The following UVSSA variants were observed in gnomAD, a reference collection of about 807,000 sequenced individuals.
UVSSA encodes the protein UV-stimulated scaffold protein A.
UVSSA carries 72 observed loss-of-function variants against 73.9 expected under a neutral mutation model. The observed-to-expected ratio is 0.97, with a 90% CI of 0.81 to 1.19. The LOEUF is 1.19. UVSSA is among the 50% of genes most tolerant of loss of function. The pLI is 0.00. For synonymous variants in UVSSA, 454 were observed against 391.3 expected, an observed-to-expected ratio of 1.16 and a Z score of -1.89; for missense variants, 1,150 against 965.0, an observed-to-expected ratio of 1.19 and a Z score of -2.54.
intron 2 of UVSSA, 48 bp downstream of exon 2, chr4:1,348,237 A>C (rs769276364): frequency 6.9e-7 from 1 of 1,451,128 alleles, no homozygotes; most frequent in Non-Finnish European, 9.7e-7. Context: ...CACTGAGCCC[A>C]GGACACACAC....
At chr4:1,361,743 C>T (rs966192262) in intron 7 of UVSSA, among the ~76,000 whole-genome samples, 1 of 152,100 alleles carries the variant, frequency 6.6e-6, no homozygotes, top group Non-Finnish European at 1.5e-5. Flanking sequence ...CAGCTGAGCA[C>T]GTTTAATTTT....
chr4:1,382,947 G>A (rs7681872), intron 12 of UVSSA, among the ~76,000 whole-genome samples: 103,765 of 152,086 alleles, frequency 0.68, 35,602 homozygotes, highest in Admixed American at 0.75. Flanking sequence ...TCACAGTCCC[G>A]TCAGGGGTGG....
upstream of UVSSA, among the ~76,000 whole-genome samples, chr4:1,343,021 A>G (rs1244093973): frequency 6.6e-6 from 1 of 152,038 alleles, no homozygotes; most frequent in Non-Finnish European, 1.5e-5. Flanking sequence ...TCTGCTGAAC[A>G]CTGTAAAAAG....
At position 1,354,079 on chromosome 4, in the gene UVSSA, A is replaced by G. The variant is rs141633331; in HGVS notation, c.935-656A>G. Among the ~76,000 whole-genome samples, 345 of 152,368 alleles carry G rather than the reference A, an allele frequency of 2.3e-3. 1 individual carries two copies. Among genetic ancestry groups the G allele is most frequent in the African/African-American group, 7.6e-3 (315 of 41,590 alleles). ...AACCTTCTTCTTTGGAAGCAGGCACAGCAGGTGTCCCTTCACCAGGGCCAG... is the reference window on the plus strand; with the variant it reads ...AACCTTCTTCTTTGGAAGCAGGCACGGCAGGTGTCCCTTCACCAGGGCCAG... On this transcript the variant is annotated intron_variant, in intron 5 of 13. Coordinates refer to ENST00000389851, the MANE Select transcript of UVSSA (RefSeq NM_020894.4).
intron 13 of UVSSA, 52 bp from the exon 14 acceptor site, chr4:1,385,816 C>T: frequency 6.3e-7 from 1 of 1,596,354 alleles, no homozygotes. Flanking sequence ...ACTGGGAGCC[C>T]AGGCCCCTGG....
intron 3 of UVSSA, among the ~76,000 whole-genome samples, chr4:1,350,560 C>A (rs1714550518): frequency 6.6e-6 from 1 of 152,244 alleles, no homozygotes; most frequent in South Asian, 2.1e-4. Flanking sequence ...AGTCTCGTCA[C>A]CTCTTTTAAG....
Position 1,366,300 on chromosome 4 carries a change from A to G in UVSSA, c.1177-20A>G. The G allele has an allele frequency of 6.3e-7, 1 of 1,588,890 alleles. No homozygotes were observed. The highest frequency in any genetic ancestry group is 8.6e-7 in the Non-Finnish European group (1 of 1,162,288). On this transcript the variant is annotated intron_variant, in intron 7 of 13. Transcript: ENST00000389851. ...ACACAGGGTCTGGGGGTTGATTTGT[A>G]TTGGGGTGTTTTTCCACAGACAGAA... is the stretch of plus-strand genomic sequence containing the variant.
At chr4:1,343,162 G>A (rs1484275123), upstream of UVSSA, among the ~76,000 whole-genome samples, 1 of 152,104 alleles carries the variant, frequency 6.6e-6, no homozygotes, top group African/African-American at 2.4e-5. Context: ...ATTTCTTCAC[G>A]GTTCTAGAGG....
intron 5 of UVSSA, chr4:1,354,387 T>G (rs537052345): frequency 6.4e-5 from 20 of 311,634 alleles, no homozygotes; most frequent in African/African-American, 4.1e-4. Flanking sequence ...TCCTGTGGCG[T>G]GGGCTGTGGA....
chr4:1,379,998 C>G (rs781708871), intron 10 of UVSSA, 49 bp from the exon 11 acceptor site: 4 of 1,545,286 alleles, frequency 2.6e-6, no homozygotes, highest in Non-Finnish European at 3.5e-6. Context: ...TGGCCACGCT[C>G]TTCTGGGGTC....
intron 8 of UVSSA, among the ~76,000 whole-genome samples, chr4:1,367,574 G>A (rs1717498532): frequency 6.6e-6 from 1 of 152,058 alleles, no homozygotes. Flanking sequence ...GCCGCCCAGG[G>A]AGGGCCCAGG....
chr4:1,348,974 CG>C (rs1714182204), intron 2 of UVSSA, among the ~76,000 whole-genome samples: 1 of 149,648 alleles, frequency 6.7e-6, no homozygotes, highest in Non-Finnish European at 1.5e-5. Flanking sequence ...TTGTGCCAGG[CG>C]GTGTGTGTTT....
chr4:1,377,869 C>T (rs968016900), intron 10 of UVSSA, among the ~76,000 whole-genome samples: 4 of 152,372 alleles, frequency 2.6e-5, no homozygotes, highest in East Asian at 1.9e-4. Flanking sequence ...GATGGAGTTG[C>T]AGCCTACACA....
chr4:1,363,464 A>G (rs966264398), intron 7 of UVSSA, among the ~76,000 whole-genome samples: 3 of 152,222 alleles, frequency 2.0e-5, no homozygotes, highest in Admixed American at 2.0e-4. Flanking sequence ...AGGAAGCATA[A>G]TATTTTTTGA....
chr4:1,347,073 C>G (rs982583006), upstream of UVSSA, among the ~76,000 whole-genome samples: 1 of 152,132 alleles, frequency 6.6e-6, no homozygotes, highest in Non-Finnish European at 1.5e-5. Context: ...CGAGAAAGGC[C>G]GCGTCGAGCG....
chr4:1,388,118 G>A (rs144607091), downstream of UVSSA: 1 of 152,092 alleles, frequency 6.6e-6, no homozygotes, highest in African/African-American at 2.4e-5. Flanking sequence ...GTAGTTTTCA[G>A]TATATAAGTT....
chr4:1,345,926 T>TGGA (rs1713632382), upstream of UVSSA, among the ~76,000 whole-genome samples: 1 of 151,800 alleles, frequency 6.6e-6, no homozygotes, highest in Admixed American at 6.6e-5. Context: ...ATGGGTGCCT[T>TGGA]GGAGGAAGCC....
exon 14 of UVSSA, chr4:1,395,579 T>C (rs1243032755): frequency 1.4e-6 from 2 of 1,460,768 alleles, no homozygotes; most frequent in Non-Finnish European, 1.8e-6. Context: ...TGCTCACACG[T>C]GCCCATGTGG....
At chr4:1,379,970 C>T in intron 10 of UVSSA, 77 bp from the exon 11 acceptor site, 2 of 1,495,560 alleles carry the variant, frequency 1.3e-6, no homozygotes, top group African/African-American at 1.4e-5. Context: ...TTGGCCTTCC[C>T]CTGTGCCTGC....
Sources: gnomAD v4.1 joint callset for allele counts (sites outside exome capture counted in the v4.1 genomes callset) on GRCh38, gnomAD v4.1.1 for gene constraint, MANE v1.5 for transcripts, NCBI Gene and HGNC (gene_info 2026-07-23, HGNC 2026-07-21) for gene names.